The following SPOCK3 variants were observed in gnomAD, a reference collection of about 807,000 sequenced individuals.
The protein encoded by SPOCK3 is SPARC (osteonectin), cwcv and kazal like domains proteoglycan 3, also known as testican-3.
Under a neutral mutation model 56.6 loss-of-function variants are expected in SPOCK3, and 30 were observed. The observed-to-expected ratio is 0.53, with a 90% CI of 0.40 to 0.72. The LOEUF (loss-of-function observed/expected upper bound fraction) is 0.72. SPOCK3 is among the 30% of genes least tolerant of loss of function. The probability of loss-of-function intolerance (pLI) is 0.00; values close to 1 mark genes in which losing one functional copy is unlikely to be tolerated. For missense variants in SPOCK3, 527 were observed against 530.0 expected, an observed-to-expected ratio of 0.99 and a Z score of 0.06; for synonymous variants, 196 against 183.3, an observed-to-expected ratio of 1.07 and a Z score of -0.56.
intron 6 of SPOCK3, among the ~76,000 whole-genome samples, chr4:166,868,915 C>T (rs936551516): frequency 2.0e-5 from 3 of 152,110 alleles, no homozygotes; most frequent in South Asian, 2.1e-4. Flanking sequence ...TATGTTTAGA[C>T]ATTAGTGGCT....
intron 3 of SPOCK3, among the ~76,000 whole-genome samples, chr4:167,038,453 T>C (rs1311878420): frequency 6.6e-6 from 1 of 152,098 alleles, no homozygotes; most frequent in Admixed American, 6.5e-5. Flanking sequence ...CTAGCTAATC[T>C]TGAAAAAAGA....
At chr4:167,134,022 C>CTTTTTTTTTTTTTT (rs34410893) in intron 2 of SPOCK3, among the ~76,000 whole-genome samples, 1 of 80,560 alleles carries the variant, frequency 1.2e-5, no homozygotes, top group Non-Finnish European at 2.3e-5. Flanking sequence ...ACACCTTTTT[C>CTTTTTTTTTTTTTT]TTTTTTTTTT....
At chr4:167,115,784 G>A (rs1388172791) in intron 2 of SPOCK3, among the ~76,000 whole-genome samples, 1 of 151,860 alleles carries the variant, frequency 6.6e-6, no homozygotes, top group African/African-American at 2.4e-5. Flanking sequence ...AGAAGACAGG[G>A]GAAAGTTGTT....
chr4:167,205,657 G>A (rs1343463597), intron 2 of SPOCK3, among the ~76,000 whole-genome samples: 6 of 126,268 alleles, frequency 4.8e-5, no homozygotes. Context: ...CTGTCACCCA[G>A]GCTGGAGTGC....
Position 167,190,023 on chromosome 4 carries a change from C to T in SPOCK3, c.189+43962G>A, listed in dbSNP as rs145776221. Among the ~76,000 whole-genome samples, 184 of 145,638 alleles carry T rather than the reference C, an allele frequency of 1.3e-3. 29 individuals are homozygous for T. Among genetic ancestry groups the T allele is most frequent in the African/African-American group, 4.0e-3 (152 of 38,224 alleles). On this transcript the variant is annotated intron_variant, in intron 2 of 10. Coordinates refer to ENST00000357545, the MANE Select transcript of SPOCK3 (RefSeq NM_001040159.2). ...ATATATATCACTTTTTATTAATTCA[C>T]GAAGGACACTTAGATTGTTTTCATA...
At chr4:166,735,122 A>G in intron 10 of SPOCK3, 32 bp from the exon 11 acceptor site, 1 of 1,347,596 alleles carries the variant, frequency 7.4e-7, no homozygotes, top group Non-Finnish European at 1.0e-6. Flanking sequence ...CATAACCTTT[A>G]TTTGACTGAA....
intron 6 of SPOCK3, among the ~76,000 whole-genome samples, chr4:166,873,627 A>G (rs1289992309): frequency 2.0e-5 from 3 of 152,170 alleles, no homozygotes; most frequent in Non-Finnish European, 4.4e-5. Context: ...TATAGGAGAT[A>G]TATATTGGAC....
intron 3 of SPOCK3, among the ~76,000 whole-genome samples, chr4:167,058,809 A>G (rs1169254519): frequency 3.3e-5 from 5 of 152,194 alleles, no homozygotes; most frequent in African/African-American, 1.2e-4. Context: ...AGAGATATAG[A>G]TCAATGGAAC....
At chr4:167,212,661 C>T (rs568066282) in intron 2 of SPOCK3, among the ~76,000 whole-genome samples, 1 of 152,270 alleles carries the variant, frequency 6.6e-6, no homozygotes, top group South Asian at 2.1e-4. Context: ...CAAGTTGTAT[C>T]TGTCTCAGTA....
At chr4:167,133,395 G>C (rs1201549074) in intron 2 of SPOCK3, among the ~76,000 whole-genome samples, 1 of 152,178 alleles carries the variant, frequency 6.6e-6, no homozygotes, top group African/African-American at 2.4e-5. Flanking sequence ...CATCAGACCA[G>C]CTGTAGACTT....
intron 6 of SPOCK3, among the ~76,000 whole-genome samples, chr4:166,871,358 G>A (rs1003306422): frequency 2.6e-5 from 4 of 151,960 alleles, no homozygotes; most frequent in African/African-American, 9.7e-5. Context: ...GCAATATTGG[G>A]ACAGACCAAA....
At chr4:166,793,824 G>A (rs1232989215) in intron 6 of SPOCK3, among the ~76,000 whole-genome samples, 5 of 152,128 alleles carry the variant, frequency 3.3e-5, no homozygotes, top group Non-Finnish European at 7.3e-5. Context: ...GAGAAATCAG[G>A]TGGGAAAGTA....
intron 6 of SPOCK3, among the ~76,000 whole-genome samples, chr4:166,840,914 T>C (rs1351964582): frequency 6.6e-6 from 1 of 150,778 alleles, no homozygotes; most frequent in Non-Finnish European, 1.5e-5. Context: ...GAGTAGCTGG[T>C]ACTATAGGTG....
At chr4:167,070,001 TC>T (rs1293238259) in intron 2 of SPOCK3, among the ~76,000 whole-genome samples, 1 of 151,874 alleles carries the variant, frequency 6.6e-6, no homozygotes, top group African/African-American at 2.4e-5. Context: ...CCTGACTAAC[TC>T]CCCAATCTTG....
At chr4:166,767,205 C>T (rs928263888) in intron 7 of SPOCK3, among the ~76,000 whole-genome samples, 14 of 152,106 alleles carry the variant, frequency 9.2e-5, no homozygotes, top group African/African-American at 3.4e-4. Context: ...CTGCTCTGAT[C>T]TTAGTTATTT....
chr4:166,865,266 T>C (rs963300464), intron 6 of SPOCK3, among the ~76,000 whole-genome samples: 1 of 152,172 alleles, frequency 6.6e-6, no homozygotes, highest in Non-Finnish European at 1.5e-5. Flanking sequence ...AAACCAGGTA[T>C]TGATGGAACA....
intron 2 of SPOCK3, among the ~76,000 whole-genome samples, chr4:167,112,607 A>C (rs529063556): frequency 6.6e-6 from 1 of 152,278 alleles, no homozygotes; most frequent in African/African-American, 2.4e-5. Flanking sequence ...GAAAACATCA[A>C]GACTTCACCA....
At chr4:166,995,432 C>T (rs1433834400) in intron 4 of SPOCK3, among the ~76,000 whole-genome samples, 1 of 151,870 alleles carries the variant, frequency 6.6e-6, no homozygotes, top group Admixed American at 6.6e-5. Flanking sequence ...GTCATCCTAA[C>T]TAAAATAAAT....
intron 4 of SPOCK3, among the ~76,000 whole-genome samples, chr4:166,968,450 G>C (rs1019266823): frequency 6.6e-6 from 1 of 152,170 alleles, no homozygotes; most frequent in Admixed American, 6.5e-5. Context: ...CTGCTGCTGT[G>C]TGTAGCCTCA....
Sources: allele counts gnomAD v4.1 joint callset (sites outside exome capture counted in the v4.1 genomes callset), GRCh38; gene constraint gnomAD v4.1.1; transcripts MANE v1.5; gene names NCBI Gene and HGNC (gene_info 2026-07-23, HGNC 2026-07-21).